Variants in TTC28 observed in about 807,000 individuals in gnomAD.
TTC28 encodes the protein tetratricopeptide repeat protein 28.
In TTC28, 61 loss-of-function variants were observed where a neutral mutation model predicts 198.0. The ratio of observed to expected loss-of-function variants is 0.31; its 90% CI spans 0.25 to 0.38. TTC28 has a LOEUF of 0.38. Ranked by LOEUF, TTC28 falls within the 10% of genes least tolerant of loss-of-function variation. The pLI is 1.00. For missense variants in TTC28, 2,678 were observed against 3,164.0 expected, an observed-to-expected ratio of 0.85 and a Z score of 3.69; for synonymous variants, 1,171 against 1,297.8, an observed-to-expected ratio of 0.90 and a Z score of 2.10.
At chr22:28,060,515 T>G (rs1175716293) in intron 12 of TTC28, among the ~76,000 whole-genome samples, 11 of 152,216 alleles carry the variant, frequency 7.2e-5, no homozygotes, top group East Asian at 1.9e-4. Flanking sequence ...ATCTGGGTTG[T>G]TTCCAAGTCT....
intron 2 of TTC28, among the ~76,000 whole-genome samples, chr22:28,462,709 T>C (rs2047966209): frequency 6.6e-6 from 1 of 152,122 alleles, no homozygotes; most frequent in South Asian, 2.1e-4. Flanking sequence ...AGAATACCTG[T>C]AGTAAGAGAA....
At chr22:28,022,622 G>C (rs959622305) in intron 13 of TTC28, among the ~76,000 whole-genome samples, 1 of 152,224 alleles carries the variant, frequency 6.6e-6, no homozygotes, top group African/African-American at 2.4e-5. Context: ...CTGGGATCGA[G>C]CTACCTGGAA....
At chr22:28,215,851 T>C (rs982377280) in intron 5 of TTC28, among the ~76,000 whole-genome samples, 22 of 152,236 alleles carry the variant, frequency 1.4e-4, no homozygotes, top group African/African-American at 5.3e-4. Flanking sequence ...CATGTTTTTA[T>C]TAACTTTTCT....
At chr22:28,042,657 C>T (rs1231283003) in intron 12 of TTC28, among the ~76,000 whole-genome samples, 1 of 151,520 alleles carries the variant, frequency 6.6e-6, no homozygotes, top group Non-Finnish European at 1.5e-5. Flanking sequence ...GTGCAGCAAA[C>T]CAACAGGGTT....
chr22:28,163,973 A>T (rs1601410616), intron 5 of TTC28, among the ~76,000 whole-genome samples: 1 of 152,350 alleles, frequency 6.6e-6, no homozygotes, highest in East Asian at 1.9e-4. Flanking sequence ...AATGGGCTTA[A>T]CAAACGGCAC....
chr22:28,061,538 C>T (rs187665545), intron 12 of TTC28, among the ~76,000 whole-genome samples: 4 of 152,142 alleles, frequency 2.6e-5, no homozygotes, highest in East Asian at 1.9e-4. Context: ...GGATGTGTGG[C>T]GTTATACCTG....
chr22:27,991,865 T>C (rs1378325001), intron 19 of TTC28, among the ~76,000 whole-genome samples: 7 of 152,220 alleles, frequency 4.6e-5, no homozygotes, highest in Non-Finnish European at 8.8e-5. Context: ...AGATCTGTAT[T>C]TTCCTAAAAG....
chr22:28,629,507 C>A (rs1214441577), intron 2 of TTC28, 45 bp downstream of exon 2: 1 of 1,489,366 alleles, frequency 6.7e-7, no homozygotes. Flanking sequence ...GAAGCCAGGA[C>A]AAAAGATTCT....
intron 18 of TTC28, 22 bp downstream of exon 18, chr22:27,993,265 C>T (rs1937479899): frequency 6.7e-7 from 1 of 1,489,942 alleles, no homozygotes. Context: ...CCTGTTGCCC[C>T]AGCCCTACAC....
At chr22:28,482,182 G>C (rs559396262) in intron 2 of TTC28, among the ~76,000 whole-genome samples, 1 of 143,658 alleles carries the variant, frequency 7.0e-6, no homozygotes, top group South Asian at 2.3e-4. Flanking sequence ...ATTTTGCTTA[G>C]CTAGTAGAGA....
chr22:28,456,765 G>A (rs1034681083), intron 2 of TTC28, among the ~76,000 whole-genome samples: 2 of 152,064 alleles, frequency 1.3e-5, no homozygotes, highest in African/African-American at 2.4e-5. Flanking sequence ...TAGTAGAGAC[G>A]GGGTTTCACG....
chr22:28,532,056 G>A (rs1186456052), intron 2 of TTC28, among the ~76,000 whole-genome samples: 2 of 152,148 alleles, frequency 1.3e-5, no homozygotes, highest in South Asian at 2.1e-4. Flanking sequence ...AAATAACTAA[G>A]ATCAGAGCAG....
rs1001099558 is a variant in TTC28, at chr22:27,989,886, G to T, written c.5699C>A (p.Ala1900Glu). ...AAGGATTCTCTGCCTACCTAGAGCT[G>T]CCAGGAACTCGTGGCATCCCGGGAG... ...WRLPGCHEFL[A>E]ALGFDLCEVG... The change falls in exon 21 of 23, where the codon GCA (alanine) becomes GAA (glutamate). Residue 1900 changes from alanine to glutamate, a missense_variant. Ala to Glu is a moderately radical substitution (Grantham distance 107). Coordinates refer to ENST00000397906, the MANE Select transcript of TTC28 (RefSeq NM_001145418.2). 3 of 1,550,656 alleles carry T rather than the reference G, an allele frequency of 1.9e-6. No homozygotes were observed. Among genetic ancestry groups the T allele is most frequent in the Non-Finnish European group, 2.6e-6 (3 of 1,146,426 alleles).
intron 2 of TTC28, among the ~76,000 whole-genome samples, chr22:28,430,338 AC>A (rs2047413150): frequency 6.6e-6 from 1 of 152,082 alleles, no homozygotes; most frequent in Non-Finnish European, 1.5e-5. Flanking sequence ...CCCTTCAAAG[AC>A]TTTATTTGGA....
intron 5 of TTC28, among the ~76,000 whole-genome samples, chr22:28,260,926 C>T (rs1479278526): frequency 1.3e-5 from 2 of 152,120 alleles, no homozygotes; most frequent in South Asian, 4.1e-4. Flanking sequence ...CTCTTCTCAC[C>T]CTCAGTCCTT....
At chr22:28,035,455 A>C (rs1017239736) in intron 12 of TTC28, among the ~76,000 whole-genome samples, 2 of 152,198 alleles carry the variant, frequency 1.3e-5, no homozygotes, top group Non-Finnish European at 2.9e-5. Flanking sequence ...CACTGCCTAT[A>C]ATCATTTTGT....
rs1334929313 is a variant in TTC28 at position 28,107,975 on chromosome 22, C to T, written c.1870G>A (p.Ala624Thr). The T allele has an allele frequency of 8.4e-6, 13 of 1,551,484 alleles. No individual in the cohort carries two copies. The highest frequency in any genetic ancestry group is 2.0e-5 in the Admixed American group (1 of 50,970). The part of the protein sequence containing the change: ...APYYEQYLRL[A>T]PDLQDMEGEG... ...CCTTCCATGTCTTGAAGGTCGGGAG[C>T]AAGCCGGAGGTACTGTTCATAATAG... Residue 624 changes from alanine to threonine, a missense_variant, in exon 7 of 23, where the codon GCT (alanine) becomes ACT (threonine). By Grantham distance (58) the Ala-to-Thr change is moderately conservative. Transcript: ENST00000397906.
chr22:28,547,349 T>C (rs543982294), intron 2 of TTC28, among the ~76,000 whole-genome samples: 7 of 152,220 alleles, frequency 4.6e-5, no homozygotes, highest in African/African-American at 1.7e-4. Context: ...CAGGCAAAGA[T>C]TCATTTAAGC....
chr22:28,219,697 G>A (rs1927701256), intron 5 of TTC28, among the ~76,000 whole-genome samples: 1 of 152,030 alleles, frequency 6.6e-6, no homozygotes, highest in African/African-American at 2.4e-5. Flanking sequence ...AATGACTGAC[G>A]ATCAAAAGAA....
Sources: allele counts gnomAD v4.1 joint callset (sites outside exome capture counted in the v4.1 genomes callset), GRCh38; gene constraint gnomAD v4.1.1; transcripts MANE v1.5; gene names NCBI Gene and HGNC (gene_info 2026-07-23, HGNC 2026-07-21).